The following FNDC3A variants were observed in gnomAD, a reference collection of about 807,000 sequenced individuals.
FNDC3A encodes the protein fibronectin type-III domain-containing protein 3A.
Under a neutral mutation model 148.9 loss-of-function variants are expected in FNDC3A, and 32 were observed. The ratio of observed to expected loss-of-function variants is 0.21; its 90% confidence interval spans 0.16 to 0.29. The LOEUF (loss-of-function observed/expected upper bound fraction) is 0.29, where lower values mean the gene tolerates loss of function less well. Ranked by LOEUF, FNDC3A falls within the 10% of genes least tolerant of loss-of-function variation. FNDC3A has a pLI of 1.00. For missense variants in FNDC3A, 1,191 were observed against 1,452.8 expected (o/e 0.82, Z 2.93); for synonymous variants, 472 against 473.6 (o/e 1.00, Z 0.04).
intron 2 of FNDC3A, among the ~76,000 whole-genome samples, chr13:49,073,723 AATAT>A (rs948239795): frequency 1.4e-5 from 2 of 145,122 alleles, no homozygotes; most frequent in Non-Finnish European, 3.0e-5. Context: ...GTGTATATAT[AATAT>A]ATATGTATAT....
rs149170195 is a variant in FNDC3A, at chr13:49,131,187, A to G, written c.303A>G (p.Pro101=). 46 of 1,614,082 alleles carry G rather than the reference A, an allele frequency of 2.8e-5. No individual in the cohort carries two copies. The highest frequency in any genetic ancestry group is 3.4e-5 in the Non-Finnish European group (40 of 1,180,032). The change falls in exon 5 of 26, where the codon CCA becomes CCG. Residue 101 remains proline (P), a synonymous_variant. Transcript: ENST00000492622. Reference sequence around the variant, plus strand: ...GAGTTGTCGTGGTCCCTCAGGCACCAGAGTTTCACCCTGGTAGTCACACAG... The same window carrying G: ...GAGTTGTCGTGGTCCCTCAGGCACCGGAGTTTCACCCTGGTAGTCACACAG... The part of the protein sequence containing the change: ...VRRVVVVPQA[P]EFHPGSHTVL...
chr13:49,107,142 A>C (rs996717775), intron 3 of FNDC3A, among the ~76,000 whole-genome samples: 3 of 152,162 alleles, frequency 2.0e-5, no homozygotes, highest in African/African-American at 7.2e-5. Flanking sequence ...GACTTGCACT[A>C]TTTTCTTTTG....
chr13:49,037,038 T>C (rs1404602292), intron 2 of FNDC3A, among the ~76,000 whole-genome samples: 1 of 151,888 alleles, frequency 6.6e-6, no homozygotes, highest in Non-Finnish European at 1.5e-5. Context: ...AAGTAAAGAG[T>C]ATGCAGATCC....
chr13:49,052,060 C>T (rs1262628372), intron 2 of FNDC3A, among the ~76,000 whole-genome samples: 3 of 152,022 alleles, frequency 2.0e-5, no homozygotes, highest in East Asian at 1.9e-4. Context: ...CTATCTATTT[C>T]ACTGAAGAAT....
At chr13:49,046,856 T>G (rs1305022643) in intron 2 of FNDC3A, 1 of 151,986 alleles carries the variant, frequency 6.6e-6, no homozygotes, top group Non-Finnish European at 1.5e-5. Context: ...TTAAAAAGTT[T>G]TTTTTTTATT....
intron 17 of FNDC3A, 121 bp from the exon 18 acceptor site, chr13:49,190,890 ACAAT>A (rs942590102): frequency 5.1e-5 from 31 of 610,558 alleles, no homozygotes; most frequent in Middle Eastern, 4.5e-4. Flanking sequence ...TTTTTTGTTG[ACAAT>A]CAAGTACAAT....
chr13:48,998,843 A>G (rs1003791115), intron 1 of FNDC3A, among the ~76,000 whole-genome samples: 1 of 152,228 alleles, frequency 6.6e-6, no homozygotes, highest in Non-Finnish European at 1.5e-5. Flanking sequence ...AGCCATCTCA[A>G]CCGAAGCCAG....
At chr13:49,067,388 G>C (rs1345295321) in intron 2 of FNDC3A, among the ~76,000 whole-genome samples, 1 of 152,102 alleles carries the variant, frequency 6.6e-6, no homozygotes, top group African/African-American at 2.4e-5. Context: ...TTGGCATTCT[G>C]TCTGGATAGC....
intron 3 of FNDC3A, among the ~76,000 whole-genome samples, chr13:49,083,375 A>C (rs149779440): frequency 6.6e-6 from 1 of 152,246 alleles, no homozygotes; most frequent in Admixed American, 6.5e-5. Flanking sequence ...CTAGAACTAA[A>C]TATGAGTCAT....
chr13:49,060,338 T>C (rs1876575746), intron 2 of FNDC3A, among the ~76,000 whole-genome samples: 1 of 152,158 alleles, frequency 6.6e-6, no homozygotes, highest in East Asian at 1.9e-4. Context: ...TGGAATGTTA[T>C]TTAGCCATAA....
In FNDC3A at chr13:49,203,277, T is replaced by A. The variant is rs755898934; in HGVS notation, c.3275T>A (p.Phe1092Tyr). ...GTTATGTTGGGAAAAGATTCAGAAT[T>A]CAAACAGGTATGTACCAAGATATTA... is the stretch of plus-strand genomic sequence containing the variant. ...LQVMLGKDSE[F>Y]KQIYKGPDSS... Residue 1092 changes from phenylalanine (F) to tyrosine (Y), a missense_variant, in exon 25 of 26, where the codon TTC becomes TAC. Phe to Tyr is a conservative substitution (Grantham distance 22). Transcript: ENST00000492622. 5.0e-6 allele frequency: 8 copies of A among 1,607,326 alleles called. No homozygotes were observed. The highest frequency in any genetic ancestry group is 6.8e-6 in the Non-Finnish European group (8 of 1,174,738).
At chr13:49,018,578 G>T (rs202134937) in intron 2 of FNDC3A, among the ~76,000 whole-genome samples, 2 of 137,938 alleles carry the variant, frequency 1.4e-5, no homozygotes, top group Non-Finnish European at 3.2e-5. Flanking sequence ...TAATTTGATC[G>T]TCTGAAGCCT....
intron 3 of FNDC3A, among the ~76,000 whole-genome samples, chr13:49,101,324 CAT>C (rs1005038973): frequency 6.6e-5 from 10 of 152,218 alleles, no homozygotes; most frequent in African/African-American, 2.4e-4. Context: ...GAGTTTAACA[CAT>C]ATTATTTAGA....
chr13:49,173,991 A>G (rs893566213), intron 11 of FNDC3A, among the ~76,000 whole-genome samples: 2 of 152,142 alleles, frequency 1.3e-5, no homozygotes, highest in African/African-American at 4.8e-5. Flanking sequence ...ATTTTAAAGA[A>G]GTTTATGAGC....
intron 11 of FNDC3A, among the ~76,000 whole-genome samples, chr13:49,173,536 A>G (rs545429935): frequency 7.1e-4 from 108 of 152,342 alleles, no homozygotes; most frequent in African/African-American, 2.4e-3. Context: ...AAGATTGCCA[A>G]TTATCCCTAC....
chr13:49,088,791 G>A (rs147436491), intron 3 of FNDC3A, among the ~76,000 whole-genome samples: 6,019 of 151,588 alleles, frequency 0.04, 190 homozygotes, highest in Non-Finnish European at 0.053. Flanking sequence ...TCTTGAACTC[G>A]TAGCCTCAAG....
chr13:49,187,506 T>A (rs1212125348), intron 16 of FNDC3A: 2 of 1,596,460 alleles, frequency 1.3e-6, no homozygotes, highest in Non-Finnish European at 1.7e-6. Context: ...GTTGTCTTAC[T>A]ACAAGAAAGG....
At chr13:49,144,824 A>T (rs1022613774) in intron 7 of FNDC3A, among the ~76,000 whole-genome samples, 3 of 152,224 alleles carry the variant, frequency 2.0e-5, no homozygotes, top group Non-Finnish European at 4.4e-5. Context: ...TATAAAAGCT[A>T]ACTCAACTGC....
At chr13:49,136,682 A>G in intron 6 of FNDC3A, 81 bp downstream of exon 6, 1 of 1,394,004 alleles carries the variant, frequency 7.2e-7, no homozygotes, top group South Asian at 1.3e-5. Context: ...CTAACCTTTC[A>G]GTCATTTTGT....
Sources: allele counts gnomAD v4.1 joint callset (sites outside exome capture counted in the v4.1 genomes callset), GRCh38; gene constraint gnomAD v4.1.1; transcripts MANE v1.5; gene names NCBI Gene and HGNC (gene_info 2026-07-23, HGNC 2026-07-21).